ZZZ3: variants seen among roughly 807,000 people sequenced by gnomAD.
The protein encoded by ZZZ3 is zinc finger ZZ-type containing 3.
In ZZZ3, 22 loss-of-function variants were observed where a neutral mutation model predicts 95.2. The observed-to-expected ratio is 0.23, with a 90% CI of 0.17 to 0.33. The LOEUF is 0.33. ZZZ3 is among the 10% of genes least tolerant of loss of function. The pLI, the probability that ZZZ3 is intolerant of heterozygous loss-of-function variation, is 1.00. For missense variants in ZZZ3, 885 were observed against 1,066.5 expected (o/e 0.83, Z 2.37); for synonymous variants, 335 against 358.9 (o/e 0.93, Z 0.75).
chr1:77,672,374 T>C (rs918042872), intron 1 of ZZZ3, among the ~76,000 whole-genome samples: 4 of 152,200 alleles, frequency 2.6e-5, no homozygotes, highest in African/African-American at 9.7e-5. Context: ...ATTTGTAAAA[T>C]TCCCAAGTGA....
At chr1:77,576,366 T>A in intron 11 of ZZZ3, 146 bp from the exon 12 acceptor site, 1 of 670,204 alleles carries the variant, frequency 1.5e-6, no homozygotes, top group Non-Finnish European at 2.2e-6. Context: ...TTGCTTTTTC[T>A]GTTTTCTGCG....
chr1:77,611,416 C>T (rs1665798263), intron 5 of ZZZ3, among the ~76,000 whole-genome samples: 1 of 151,752 alleles, frequency 6.6e-6, no homozygotes, highest in African/African-American at 2.4e-5. Context: ...CTCGAAGCAA[C>T]CTACAGATTT....
At chr1:77,681,200 C>A (rs1672720367) in intron 1 of ZZZ3, among the ~76,000 whole-genome samples, 1 of 152,120 alleles carries the variant, frequency 6.6e-6, no homozygotes, top group South Asian at 2.1e-4. Flanking sequence ...TACACAGCAA[C>A]CACAAAGGCT....
At position 77,613,559 on chromosome 1, in the gene ZZZ3, G is replaced by A. The variant is rs188849848; in HGVS notation, c.1505+18291C>T. Among the ~76,000 whole-genome samples, 659 of 152,002 alleles carry A rather than the reference G, an allele frequency of 4.3e-3. 5 individuals are homozygous for A. Among genetic ancestry groups the A allele is most frequent in the Non-Finnish European group, 5.5e-3 (373 of 67,914 alleles). The stretch of plus-strand genomic sequence containing the variant: ...TGTTTATATGGTAGGTAGAGACTGA[G>A]GAACCAAAATGTCTCCTCTCTAGTG... On this transcript the variant is annotated intron_variant, in intron 5 of 14. Coordinates refer to ENST00000370801, the MANE Select transcript of ZZZ3 (RefSeq NM_015534.6).
chr1:77,644,090 C>G (rs1157113089), intron 1 of ZZZ3, among the ~76,000 whole-genome samples: 1 of 149,016 alleles, frequency 6.7e-6, no homozygotes, highest in African/African-American at 2.5e-5. Flanking sequence ...TTTGAGACGG[C>G]GTTTTGCTCT....
intron 10 of ZZZ3, 82 bp downstream of exon 10, chr1:77,579,445 G>T: frequency 2.0e-6 from 2 of 985,070 alleles, no homozygotes; most frequent in Non-Finnish European, 3.2e-6. Flanking sequence ...ATGGCAGATC[G>T]CCCAATGTCA....
chr1:77,565,806 C>T (rs1177108053), intron 14 of ZZZ3, 22 bp from the exon 15 acceptor site: 1 of 1,601,368 alleles, frequency 6.2e-7, no homozygotes, highest in Non-Finnish European at 8.5e-7. Context: ...AAAAGACACA[C>T]ATCATTACAT....
At chr1:77,624,137 C>T (rs1237533233) in intron 5 of ZZZ3, among the ~76,000 whole-genome samples, 1 of 152,126 alleles carries the variant, frequency 6.6e-6, no homozygotes, top group Non-Finnish European at 1.5e-5. Context: ...CATAGAGCTC[C>T]TAAAACTCTT....
chr1:77,670,098 G>A (rs1233193688), intron 1 of ZZZ3, among the ~76,000 whole-genome samples: 1 of 138,336 alleles, frequency 7.2e-6, no homozygotes, highest in Admixed American at 7.7e-5. Context: ...TTACTCCCTT[G>A]AAATTAACAC....
chr1:77,622,708 C>A (rs1374894787), intron 5 of ZZZ3, among the ~76,000 whole-genome samples: 1 of 152,144 alleles, frequency 6.6e-6, no homozygotes, highest in East Asian at 1.9e-4. Context: ...TCCTCAAGAA[C>A]TTTATCTCAC....
At chr1:77,596,016 T>C (rs1360950838) in intron 5 of ZZZ3, among the ~76,000 whole-genome samples, 1 of 152,028 alleles carries the variant, frequency 6.6e-6, no homozygotes, top group Non-Finnish European at 1.5e-5. Context: ...GGGAGGAATT[T>C]GAGGCTTAAT....
chr1:77,567,460 T>C (rs1034434886), intron 13 of ZZZ3, among the ~76,000 whole-genome samples: 4 of 152,318 alleles, frequency 2.6e-5, no homozygotes, highest in African/African-American at 9.6e-5. Flanking sequence ...ACTAGAATGA[T>C]TCTTTCCAAA....
At chr1:77,639,111 TCAGA>T (rs759188352) in intron 4 of ZZZ3, among the ~76,000 whole-genome samples, 35 of 151,764 alleles carry the variant, frequency 2.3e-4, no homozygotes, top group East Asian at 7.7e-4. Flanking sequence ...AAGCGGACAG[TCAGA>T]CAGACAGACA....
chr1:77,586,419 A>T (rs1430456975), intron 5 of ZZZ3, among the ~76,000 whole-genome samples: 1 of 152,228 alleles, frequency 6.6e-6, no homozygotes, highest in Non-Finnish European at 1.5e-5. Context: ...AGGCACAAGT[A>T]AAAATAGGGT....
chr1:77,565,847 C>T, intron 14 of ZZZ3, 63 bp from the exon 15 acceptor site: 1 of 1,474,276 alleles, frequency 6.8e-7, no homozygotes, highest in Non-Finnish European at 9.1e-7. Flanking sequence ...CTGTGTATTA[C>T]AAAGCTTCCT....
intron 3 of ZZZ3, chr1:77,641,175 G>C (rs964333546): frequency 1.2e-5 from 2 of 168,004 alleles, no homozygotes; most frequent in Admixed American, 1.3e-4. Flanking sequence ...GTGTGTGATG[G>C]TAGTAGCAAT....
At chr1:77,674,549 G>A (rs79928675) in intron 1 of ZZZ3, among the ~76,000 whole-genome samples, 9,591 of 152,176 alleles carry the variant, frequency 0.063, 595 homozygotes, top group African/African-American at 0.16. Context: ...TGCTCACACT[G>A]TGAAAATTCA....
intron 5 of ZZZ3, among the ~76,000 whole-genome samples, chr1:77,616,731 T>G (rs1666352343): frequency 6.6e-6 from 1 of 152,050 alleles, no homozygotes; most frequent in African/African-American, 2.4e-5. Context: ...CCGGGGGTGG[T>G]GGCACCCACC....
intron 5 of ZZZ3, among the ~76,000 whole-genome samples, chr1:77,593,606 G>C (rs990239811): frequency 6.6e-6 from 1 of 152,156 alleles, no homozygotes; most frequent in Non-Finnish European, 1.5e-5. Flanking sequence ...ACTATTCCTA[G>C]GAGACTTGTA....
Sources: gnomAD v4.1 joint callset for allele counts (sites outside exome capture counted in the v4.1 genomes callset) on GRCh38, gnomAD v4.1.1 for gene constraint, MANE v1.5 for transcripts, NCBI Gene and HGNC (gene_info 2026-07-23, HGNC 2026-07-21) for gene names.